The following KDM4A variants were observed in gnomAD, a reference collection of about 807,000 sequenced individuals.
KDM4A encodes the protein lysine demethylase 4A.
KDM4A carries 23 observed loss-of-function variants against 127.1 expected under a neutral mutation model. That is an observed-to-expected ratio of 0.18 (90% confidence interval 0.13 to 0.26). The LOEUF (loss-of-function observed/expected upper bound fraction) is 0.26. KDM4A is among the 10% of genes least tolerant of loss of function. The pLI is 1.00. For missense variants in KDM4A, 890 were observed against 1,329.1 expected, an observed-to-expected ratio of 0.67 and a Z score of 5.14; for synonymous variants, 443 against 466.5, an observed-to-expected ratio of 0.95 and a Z score of 0.65.
At position 43,665,681 on chromosome 1, in the gene KDM4A, C is replaced by T; in HGVS notation, c.624-15C>T. 1 of 1,613,896 alleles carries T rather than the reference C, an allele frequency of 6.2e-7. No homozygotes were observed. Among genetic ancestry groups the T allele is most frequent in the Admixed American group, 1.7e-5 (1 of 60,014 alleles). ...TGCCCTCCACCCAGCCTCTGATGCT[C>T]TCATGTGATTGCAGGTACTCTGTTC... On this transcript the variant is annotated splice_polypyrimidine_tract_variant and intron_variant, in intron 5 of 21. Coordinates refer to ENST00000372396, the MANE Select transcript of KDM4A (RefSeq NM_014663.3).
chr1:43,677,250 CAGG>C (rs1660761680), intron 11 of KDM4A, among the ~76,000 whole-genome samples: 1 of 149,764 alleles, frequency 6.7e-6, no homozygotes, highest in Non-Finnish European at 1.5e-5. Flanking sequence ...GAGGCTGAGG[CAGG>C]AGAATTGCTC....
chr1:43,655,774 GAAA>G lies in KDM4A; in HGVS notation c.314+9_314+11del. ...GATAGCCAATAGCGATAAGTGAGTG[GAAA>G]CCCTTTCTTACCTGACATAGCACCT... On this transcript the variant is annotated intron_variant, in intron 3 of 21. Coordinates refer to ENST00000372396, the MANE Select transcript of KDM4A (RefSeq NM_014663.3). 1 of 1,601,902 alleles carries G rather than the reference GAAA, an allele frequency of 6.2e-7. No homozygotes were observed. Among genetic ancestry groups the G allele is most frequent in the Non-Finnish European group, 8.5e-7 (1 of 1,172,312 alleles).
intron 19 of KDM4A, among the ~76,000 whole-genome samples, chr1:43,700,489 A>C (rs2154049320): frequency 6.6e-6 from 1 of 151,674 alleles, no homozygotes; most frequent in East Asian, 1.9e-4. Flanking sequence ...ATCCACCAAA[A>C]CTCAATGGAA....
intron 4 of KDM4A, among the ~76,000 whole-genome samples, chr1:43,661,474 C>T (rs1437238857): frequency 3.3e-5 from 5 of 150,840 alleles, no homozygotes; most frequent in African/African-American, 7.3e-5. Flanking sequence ...CCTGCAGTAG[C>T]GGGCGCCTGT....
At chr1:43,677,481 A>T (rs1042216137) in intron 11 of KDM4A, among the ~76,000 whole-genome samples, 1 of 152,166 alleles carries the variant, frequency 6.6e-6, no homozygotes, top group Non-Finnish European at 1.5e-5. Flanking sequence ...TCATTGTCCA[A>T]TCTGTTTTAC....
Position 43,704,516 on chromosome 1 carries a change from C to G in KDM4A, c.*146C>G. 1.1e-6 allele frequency: 1 copy of G among 872,878 alleles called. No individual in the cohort carries two copies. Among genetic ancestry groups the G allele is most frequent in the Non-Finnish European group, 1.8e-6 (1 of 569,690 alleles). 54.1% of individuals were successfully genotyped at this position (872,878 alleles called of 1,614,324 possible). On this transcript the variant is annotated 3_prime_UTR_variant, in exon 22 of 22. Coordinates refer to ENST00000372396, the MANE Select transcript of KDM4A (RefSeq NM_014663.3). ...AATAACCGACCCATCATCTTCTCAC[C>G]CACCCTCATTGCATTCCGCTGTAGT...
Position 43,666,437 on chromosome 1 carries a change from C to T in KDM4A, c.674-15C>T. On this transcript the variant is annotated splice_polypyrimidine_tract_variant and intron_variant, in intron 6 of 21. Coordinates refer to ENST00000372396, the MANE Select transcript of KDM4A (RefSeq NM_014663.3). The stretch of plus-strand genomic sequence containing the variant: ...GTGGAGCACTGTGTTAACCTGTACC[C>T]TTTCAATTAAATAGGCTTTTTCCCA... 1.9e-6 allele frequency: 3 copies of T among 1,609,636 alleles called. No individual in the cohort carries two copies. The highest frequency in any genetic ancestry group is 2.6e-6 in the Non-Finnish European group (3 of 1,175,904).
intron 12 of KDM4A, among the ~76,000 whole-genome samples, chr1:43,687,815 C>T (rs116653218): frequency 3.3e-3 from 495 of 152,290 alleles, no homozygotes; most frequent in African/African-American, 0.011. Flanking sequence ...TTGTTTTCCA[C>T]TCAGCAGTAT....
At chr1:43,660,526 A>T in intron 4 of KDM4A, 114 bp downstream of exon 4, 2 of 1,400,072 alleles carry the variant, frequency 1.4e-6, no homozygotes, top group Non-Finnish European at 1.9e-6. Context: ...GTGGATGAAC[A>T]GATGATCTAC....
rs1042440929 is a variant in KDM4A, at chr1:43,703,549, G to C, written c.2842-68G>C. The C allele has an allele frequency of 3.8e-6, 6 of 1,592,588 alleles. No homozygotes were observed. The African/African-American group carries it at 8.1e-5, about 21-fold the overall frequency. ...TTTGTCCTGGTTCACTCTTCCCTGA[G>C]TAGAGGACAGTTACCTTTGTGTGCA... On this transcript the variant is annotated intron_variant, in intron 19 of 21. Transcript: ENST00000372396.
intron 9 of KDM4A, among the ~76,000 whole-genome samples, 190 bp downstream of exon 9, chr1:43,668,209 C>T (rs764641254): frequency 2.6e-5 from 4 of 151,868 alleles, no homozygotes; most frequent in South Asian, 2.1e-4. Flanking sequence ...CACTGCAAGC[C>T]CCGCCTCCCG....
chr1:43,680,308 G>A (rs183323739), intron 11 of KDM4A, among the ~76,000 whole-genome samples: 59 of 152,254 alleles, frequency 3.9e-4, no homozygotes, highest in African/African-American at 1.3e-3. Context: ...GCCAAAACAA[G>A]TATTCCCACC....
chr1:43,664,897 T>A (rs575960810), intron 5 of KDM4A, among the ~76,000 whole-genome samples: 11 of 152,274 alleles, frequency 7.2e-5, no homozygotes, highest in Admixed American at 5.9e-4. Flanking sequence ...GATCCCAGAG[T>A]CCTTTAGGTG....
intron 12 of KDM4A, among the ~76,000 whole-genome samples, chr1:43,685,699 C>T (rs1421822498): frequency 6.6e-6 from 1 of 152,130 alleles, no homozygotes; most frequent in Non-Finnish European, 1.5e-5. Flanking sequence ...ACCCAGGAGG[C>T]AGAATTTGCA....
At position 43,657,868 on chromosome 1, in the gene KDM4A, G is replaced by A. The variant is rs1282056913; in HGVS notation, c.314+2102G>A. On this transcript the variant is annotated intron_variant, in intron 3 of 21. Transcript: ENST00000372396. The stretch of plus-strand genomic sequence containing the variant: ...CAGGTTCAAGTGATTTTCCTTCCTC[G>A]GCCTCCCGAGTAGCTGGGAGCCCGC... 7.6e-5 allele frequency among the ~76,000 whole-genome samples: 11 copies of A among 144,332 alleles called. No homozygotes were observed. In the South Asian group the frequency reaches 8.7e-4, roughly 11 times the overall value. 94.7% of individuals were successfully genotyped at this position (144,332 alleles called of 152,430 possible). A position where few individuals can be genotyped will look rare whatever the true frequency, so the allele number is the denominator to read the frequency against.
intron 16 of KDM4A, among the ~76,000 whole-genome samples, chr1:43,692,990 T>G (rs761081522): frequency 1.3e-5 from 2 of 152,166 alleles, no homozygotes; most frequent in Non-Finnish European, 2.9e-5. Context: ...CCAAGTAGAA[T>G]CCCGTGGCAA....
At chr1:43,676,345 G>A (rs769681061) in intron 11 of KDM4A, among the ~76,000 whole-genome samples, 3 of 151,842 alleles carry the variant, frequency 2.0e-5, no homozygotes, top group Admixed American at 6.6e-5. Flanking sequence ...TTTTTGAGAC[G>A]GAGTCTTGCT....
intron 19 of KDM4A, among the ~76,000 whole-genome samples, chr1:43,699,305 C>T (rs748537495): frequency 2.0e-5 from 3 of 152,122 alleles, no homozygotes; most frequent in Non-Finnish European, 2.9e-5. Context: ...CTTTGTTGCT[C>T]AGGCTGGTTT....
rs1661475855 is a variant in KDM4A at position 43,703,941 on chromosome 1, A to C, written c.2962-79A>C. The stretch of plus-strand genomic sequence containing the variant: ...TGTTCTAACTCCTTCCTTTGACTGT[A>C]GGGGACTGCCACTGTGCATGGTGGA... On this transcript the variant is annotated intron_variant, in intron 20 of 21. Transcript: ENST00000372396. 6 of 1,364,672 alleles carry C rather than the reference A, an allele frequency of 4.4e-6. No homozygotes were observed. The South Asian group carries it at 7.1e-5, about 16-fold the overall frequency. 84.5% of individuals were successfully genotyped at this position (1,364,672 alleles called of 1,614,324 possible).
Sources: gnomAD v4.1 joint callset for allele counts (sites outside exome capture counted in the v4.1 genomes callset) on GRCh38, gnomAD v4.1.1 for gene constraint, MANE v1.5 for transcripts, NCBI Gene and HGNC (gene_info 2026-07-23, HGNC 2026-07-21) for gene names.